Variants in TRMT9B observed in about 807,000 individuals in gnomAD.
The protein encoded by TRMT9B is probable tRNA methyltransferase 9B.
Under a neutral mutation model 11.5 loss-of-function variants are expected in TRMT9B, and 16 were observed. The ratio of observed to expected loss-of-function variants is 1.39; its 90% CI spans 0.94 to 2.11. The LOEUF is 2.11. Ranked by LOEUF, TRMT9B falls within the 30% of genes most tolerant of loss-of-function variation. The pLI is 0.00. For synonymous variants in TRMT9B, 274 were observed against 192.4 expected, an observed-to-expected ratio of 1.42 and a Z score of -3.51; for missense variants, 941 against 553.8, an observed-to-expected ratio of 1.70 and a Z score of -7.02.
At position 13,012,754 on chromosome 8, in the gene TRMT9B, A is replaced by C; in HGVS notation, c.225A>C (p.Pro75=). Reference sequence around the variant, plus strand: ...CCGTGGGCTGTGACTACTGTGGGCCACTGGTAGAGATTGCCCGGAATAGAG... The same window carrying C: ...CCGTGGGCTGTGACTACTGTGGGCCCCTGGTAGAGATTGCCCGGAATAGAG... ...VHTVGCDYCG[P]LVEIARNRGC... The change falls in exon 4 of 5, where the codon CCA becomes CCC. Residue 75 remains proline (P), a synonymous_variant. Coordinates refer to ENST00000524591, the MANE Select transcript of TRMT9B (RefSeq NM_020844.3). 2 of 1,613,992 alleles carry C rather than the reference A, an allele frequency of 1.2e-6. No individual in the cohort carries two copies. Among genetic ancestry groups the C allele is most frequent in the East Asian group, 2.2e-5 (1 of 44,878 alleles).
chr8:12,978,484 C>T (rs2128871817), intron 1 of TRMT9B, among the ~76,000 whole-genome samples: 1 of 138,000 alleles, frequency 7.2e-6, no homozygotes, highest in East Asian at 2.1e-4. Flanking sequence ...TTGCTGCTAA[C>T]CCGCGACAGA....
chr8:13,015,316 G>A (rs1366987174), intron 4 of TRMT9B, among the ~76,000 whole-genome samples: 1 of 151,660 alleles, frequency 6.6e-6, no homozygotes, highest in Non-Finnish European at 1.5e-5. Flanking sequence ...AACTTTTCAA[G>A]TGTACATGTC....
rs1223949577 is a variant in TRMT9B, at chr8:13,023,374, A to T, written c.*1330A>T. On this transcript the variant is annotated 3_prime_UTR_variant, in exon 5 of 5. Transcript: ENST00000524591. ...GTATCCTTTAAAATAGTATCTGGGC[A>T]TTTATTTTATTGAAGGTGACTACAT... The T allele has an allele frequency of 6.0e-6, 1 of 167,098 alleles. No individual in the cohort carries two copies. 10.4% of individuals were successfully genotyped at this position (167,098 alleles called of 1,614,324 possible).
rs1519149 is a variant in TRMT9B at position 13,025,765 on chromosome 8, C to G, written c.*3721C>G. ...ACACAAACGTCTTGGAGTTTGGTTT[C>G]GTTCTCTTTTCTCATCATAGATCTC... On this transcript the variant is annotated 3_prime_UTR_variant, in exon 5 of 5. Coordinates refer to ENST00000524591, the MANE Select transcript of TRMT9B (RefSeq NM_020844.3). 24,016 of 166,856 alleles carry G rather than the reference C, an allele frequency of 0.14. 2,238 individuals are homozygous for G. The highest frequency in any genetic ancestry group is 0.26 in the African/African-American group (10,945 of 41,472). 10.3% of individuals were successfully genotyped at this position (166,856 alleles called of 1,614,324 possible). A position where few individuals can be genotyped will look rare whatever the true frequency, so the allele number is the denominator to read the frequency against.
At chr8:12,979,072 G>C (rs1286256500) in intron 1 of TRMT9B, among the ~76,000 whole-genome samples, 3 of 152,152 alleles carry the variant, frequency 2.0e-5, no homozygotes, top group Admixed American at 6.5e-5. Context: ...GAAGGGGAGG[G>C]AACGTGGTGG....
At position 12,977,839 on chromosome 8, in the gene TRMT9B, A is replaced by G. The variant is rs1332371868; in HGVS notation, c.-199-12995A>G. ...AGACCAGCCTGGGCAATATAGCAAG[A>G]CCCTATCTCTACAAAAAAAAAAGAA... On this transcript the variant is annotated intron_variant, in intron 1 of 4. Transcript: ENST00000524591. Among the ~76,000 whole-genome samples the G allele has an allele frequency of 2.1e-5, 3 of 144,344 alleles. No homozygotes were observed. The East Asian group carries it at 6.2e-4, about 30-fold the overall frequency. The allele number at this position is 144,344 out of a possible 152,430, so 94.7% of individuals were successfully genotyped here.
In TRMT9B at chr8:13,027,246, T is replaced by C. The variant is rs1438460092; in HGVS notation, c.*5202T>C. On this transcript the variant is annotated 3_prime_UTR_variant, in exon 5 of 5. Transcript: ENST00000524591. ...AGGTACCCAGAATATTAGAATTAACTGACCCACAGGTGCCAAGCTGAAACA... is the reference window on the plus strand; with the variant it reads ...AGGTACCCAGAATATTAGAATTAACCGACCCACAGGTGCCAAGCTGAAACA... 1 of 167,080 alleles carries C rather than the reference T, an allele frequency of 6.0e-6. No homozygotes were observed. Among genetic ancestry groups the C allele is most frequent in the African/African-American group, 2.4e-5 (1 of 41,462 alleles). The allele number at this position is 167,080 out of a possible 1,614,324, so 10.3% of individuals were successfully genotyped here. A position where few individuals can be genotyped will look rare whatever the true frequency, so the allele number is the denominator to read the frequency against.
chr8:12,972,991 C>T (rs1470440724), intron 1 of TRMT9B, among the ~76,000 whole-genome samples: 2 of 152,284 alleles, frequency 1.3e-5, no homozygotes, highest in Non-Finnish European at 2.9e-5. Flanking sequence ...GCCCCTTTTA[C>T]CCTGACTCCC....
chr8:12,978,113 G>A (rs1392348282), intron 1 of TRMT9B, among the ~76,000 whole-genome samples: 2 of 152,190 alleles, frequency 1.3e-5, no homozygotes, highest in Non-Finnish European at 1.5e-5. Context: ...AAGAGAGAAA[G>A]CAAATAAGCT....
At chr8:13,001,609 A>G (rs552068864) in intron 2 of TRMT9B, among the ~76,000 whole-genome samples, 23 of 152,336 alleles carry the variant, frequency 1.5e-4, no homozygotes, top group Admixed American at 1.1e-3. Context: ...CTTCTACAGA[A>G]TATTATTTCC....
Position 13,028,286 on chromosome 8 carries a change from G to T in TRMT9B, c.*6242G>T, listed in dbSNP as rs908715929. 6.0e-6 allele frequency: 1 copy of T among 167,174 alleles called. No individual in the cohort carries two copies. The highest frequency in any genetic ancestry group is 2.4e-5 in the African/African-American group (1 of 41,582). 10.4% of individuals were successfully genotyped at this position (167,174 alleles called of 1,614,324 possible). A position where few individuals can be genotyped will look rare whatever the true frequency, so the allele number is the denominator to read the frequency against. On this transcript the variant is annotated 3_prime_UTR_variant, in exon 5 of 5. Transcript: ENST00000524591. ...TACCAATCTGATGGACCATTTGTAA[G>T]AGCTGTTTGTCAAATTGGATCTTCA...
At chr8:12,979,999 G>A (rs567065219) in intron 1 of TRMT9B, among the ~76,000 whole-genome samples, 7 of 152,094 alleles carry the variant, frequency 4.6e-5, no homozygotes, top group Non-Finnish European at 8.8e-5. Context: ...TGAATGACCC[G>A]TTTTGCATTC....
intron 2 of TRMT9B, among the ~76,000 whole-genome samples, chr8:13,002,030 T>G (rs1273381147): frequency 7.9e-5 from 12 of 152,242 alleles, no homozygotes; most frequent in Non-Finnish European, 1.8e-4. Context: ...CATTTAAAAT[T>G]TAAATCTGCA....
chr8:13,005,186 C>G (rs1338248436), intron 2 of TRMT9B, among the ~76,000 whole-genome samples: 1 of 151,902 alleles, frequency 6.6e-6, no homozygotes, highest in Non-Finnish European at 1.5e-5. Context: ...CAGTCAGGCA[C>G]AGAAAGACAG....
Position 13,007,633 on chromosome 8 carries a change from G to C in TRMT9B, c.154+1277G>C, listed in dbSNP as rs1209889687. ...AGTCTTTGAAAAATATCTCTATCCT[G>C]TAAATTAAAAAATAATAAATCTAGT... On this transcript the variant is annotated intron_variant, in intron 3 of 4. Transcript: ENST00000524591. 5.3e-5 allele frequency: 8 copies of C among 152,146 alleles called. No individual in the cohort carries two copies. In the East Asian group the frequency reaches 1.3e-3, roughly 26 times the overall value. 9.4% of individuals were successfully genotyped at this position (152,146 alleles called of 1,614,324 possible). A position where few individuals can be genotyped will look rare whatever the true frequency, so the allele number is the denominator to read the frequency against.
Position 12,981,928 on chromosome 8 carries a change from A to C in TRMT9B, c.-199-8906A>C, listed in dbSNP as rs191403526. Among the ~76,000 whole-genome samples, 744 of 152,280 alleles carry C rather than the reference A, an allele frequency of 4.9e-3. 5 individuals carry two copies. Among genetic ancestry groups the C allele is most frequent in the Non-Finnish European group, 6.9e-3 (468 of 68,014 alleles). The stretch of plus-strand genomic sequence containing the variant: ...GAAATGAGAAAATTAAACATGATAT[A>C]GTCAGTTCTTCATAAATTCTGTTCA... On this transcript the variant is annotated intron_variant, in intron 1 of 4. Transcript: ENST00000524591.
chr8:13,003,848 G>A (rs1181338254), intron 2 of TRMT9B, among the ~76,000 whole-genome samples: 1 of 149,440 alleles, frequency 6.7e-6, no homozygotes, highest in African/African-American at 2.5e-5. Flanking sequence ...AAAATCAGGA[G>A]AGCGCTCACA....
intron 1 of TRMT9B, among the ~76,000 whole-genome samples, chr8:12,984,677 G>A (rs1805963843): frequency 6.6e-6 from 1 of 152,116 alleles, no homozygotes. Flanking sequence ...AAAACTGACA[G>A]CTGTTTTTGT....
intron 2 of TRMT9B, among the ~76,000 whole-genome samples, chr8:13,002,782 T>C (rs1192781779): frequency 6.6e-6 from 1 of 152,092 alleles, no homozygotes; most frequent in African/African-American, 2.4e-5. Flanking sequence ...AGTCTCAAAG[T>C]CTCTCTCCAT....
Sources: allele counts gnomAD v4.1 joint callset (sites outside exome capture counted in the v4.1 genomes callset), GRCh38; gene constraint gnomAD v4.1.1; transcripts MANE v1.5; gene names NCBI Gene and HGNC (gene_info 2026-07-23, HGNC 2026-07-21).